Variants in MARCHF8 observed in about 807,000 individuals in gnomAD.
MARCHF8 encodes the protein membrane associated ring-CH-type finger 8.
In MARCHF8, 40 loss-of-function variants were observed where a neutral mutation model predicts 51.6. The ratio of observed to expected loss-of-function variants is 0.77; its 90% CI spans 0.60 to 1.01. MARCHF8 has a LOEUF of 1.01. MARCHF8 is among the 50% of genes least tolerant of loss of function. The pLI is 0.00. For synonymous variants in MARCHF8, 263 were observed against 280.3 expected, an observed-to-expected ratio of 0.94 and a Z score of 0.62; for missense variants, 685 against 708.6, an observed-to-expected ratio of 0.97 and a Z score of 0.38.
chr10:45,493,735 T>G (rs929974328), intron 2 of MARCHF8, among the ~76,000 whole-genome samples: 2 of 152,234 alleles, frequency 1.3e-5, no homozygotes, highest in African/African-American at 4.8e-5. Context: ...CAAGTTTTCA[T>G]TCCAAATCTT....
At chr10:45,505,038 T>C (rs1244380342) in intron 2 of MARCHF8, among the ~76,000 whole-genome samples, 13 of 152,228 alleles carry the variant, frequency 8.5e-5, no homozygotes, top group Admixed American at 8.5e-4. Flanking sequence ...TAAGCACTTA[T>C]GCCTTCTTGC....
chr10:45,534,704 G>A (rs2043946566), intron 1 of MARCHF8, among the ~76,000 whole-genome samples: 1 of 152,108 alleles, frequency 6.6e-6, no homozygotes, highest in African/African-American at 2.4e-5. Context: ...TAGGGGGTGG[G>A]GACAGGTGAG....
intron 1 of MARCHF8, among the ~76,000 whole-genome samples, chr10:45,577,339 T>C (rs1173425935): frequency 6.6e-6 from 1 of 152,100 alleles, no homozygotes; most frequent in East Asian, 1.9e-4. Flanking sequence ...CAGTCAATAG[T>C]AACAATTATA....
At chr10:45,512,700 G>C (rs372713851) in intron 2 of MARCHF8, among the ~76,000 whole-genome samples, 1 of 152,060 alleles carries the variant, frequency 6.6e-6, no homozygotes, top group East Asian at 1.9e-4. Context: ...CCCTCTGCCC[G>C]GCCACCACCC....
chr10:45,521,699 T>C (rs1478648731), intron 2 of MARCHF8, among the ~76,000 whole-genome samples: 1 of 152,220 alleles, frequency 6.6e-6, no homozygotes, highest in African/African-American at 2.4e-5. Flanking sequence ...ATTTACTATT[T>C]ATTATTGTCT....
intron 1 of MARCHF8, among the ~76,000 whole-genome samples, chr10:45,588,452 GT>G (rs2044641880): frequency 1.3e-5 from 2 of 152,060 alleles, no homozygotes; most frequent in Non-Finnish European, 2.9e-5. Context: ...TACCACTTAT[GT>G]TTTAAATATA....
At chr10:45,522,507 G>A (rs1413561063) in intron 2 of MARCHF8, among the ~76,000 whole-genome samples, 2 of 152,098 alleles carry the variant, frequency 1.3e-5, no homozygotes, top group African/African-American at 4.8e-5. Context: ...AATCAGTTGA[G>A]CACATCTTTC....
intron 2 of MARCHF8, among the ~76,000 whole-genome samples, chr10:45,513,521 ATGTT>A (rs1323961907): frequency 6.6e-6 from 1 of 152,080 alleles, no homozygotes. Context: ...TGTTCAGGGG[ATGTT>A]TGTTAGAGTT....
chr10:45,466,313 T>G (rs17157832), intron 3 of MARCHF8, among the ~76,000 whole-genome samples: 9,364 of 152,286 alleles, frequency 0.061, 327 homozygotes, highest in Non-Finnish European at 0.066. Flanking sequence ...GCTCTCTTCT[T>G]TTATTTCTGA....
chr10:45,552,673 C>A (rs1168896695), intron 1 of MARCHF8, among the ~76,000 whole-genome samples: 7 of 152,178 alleles, frequency 4.6e-5, no homozygotes, highest in African/African-American at 9.6e-5. Flanking sequence ...CTACTAGGAA[C>A]TGGAAAATTT....
chr10:45,513,999 T>C (rs893594526), intron 2 of MARCHF8, among the ~76,000 whole-genome samples: 1 of 152,304 alleles, frequency 6.6e-6, no homozygotes, highest in Non-Finnish European at 1.5e-5. Flanking sequence ...TTCAAAGCCA[T>C]AACTCCATAA....
chr10:45,482,415 AT>A (rs1331916439), intron 3 of MARCHF8, among the ~76,000 whole-genome samples: 1 of 152,248 alleles, frequency 6.6e-6, no homozygotes, highest in Non-Finnish European at 1.5e-5. Context: ...TTCAAAGGAT[AT>A]TACACAAGGC....
At chr10:45,468,335 C>T (rs1843039565) in intron 3 of MARCHF8, among the ~76,000 whole-genome samples, 1 of 152,232 alleles carries the variant, frequency 6.6e-6, no homozygotes, top group South Asian at 2.1e-4. Flanking sequence ...ATAGTGCACA[C>T]ATCCTTCTCA....
chr10:45,484,398 G>A (rs1173774169), intron 3 of MARCHF8, among the ~76,000 whole-genome samples: 1 of 152,142 alleles, frequency 6.6e-6, no homozygotes, highest in East Asian at 1.9e-4. Flanking sequence ...TGAAGGTCTG[G>A]GCAAGATGCA....
At chr10:45,502,847 A>C (rs978015837) in intron 2 of MARCHF8, among the ~76,000 whole-genome samples, 1 of 152,236 alleles carries the variant, frequency 6.6e-6, no homozygotes, top group Non-Finnish European at 1.5e-5. Flanking sequence ...CAATAAAGAA[A>C]GAGCAACAGA....
At chr10:45,560,205 G>A (rs1276153252) in intron 1 of MARCHF8, among the ~76,000 whole-genome samples, 1 of 152,164 alleles carries the variant, frequency 6.6e-6, no homozygotes, top group African/African-American at 2.4e-5. Flanking sequence ...TTGTAGATGA[G>A]GAAGCCTTCT....
chr10:45,537,281 A>T (rs1466614302), upstream of MARCHF8, among the ~76,000 whole-genome samples: 2 of 152,212 alleles, frequency 1.3e-5, no homozygotes, highest in East Asian at 3.8e-4. Context: ...AGCTATATCC[A>T]TTCAACGGAA....
intron 6 of MARCHF8, among the ~76,000 whole-genome samples, chr10:45,459,554 T>C (rs1172937853): frequency 6.6e-6 from 1 of 152,214 alleles, no homozygotes; most frequent in Non-Finnish European, 1.5e-5. Flanking sequence ...GATGGCCTGA[T>C]AAAGAATTCT....
chr10:45,564,686 A>C (rs2044345433), intron 1 of MARCHF8, among the ~76,000 whole-genome samples: 1 of 152,194 alleles, frequency 6.6e-6, no homozygotes, highest in Non-Finnish European at 1.5e-5. Context: ...AACTGAGCAC[A>C]CTGTAGATAA....
Sources: gnomAD v4.1 joint callset for allele counts (sites outside exome capture counted in the v4.1 genomes callset) on GRCh38, gnomAD v4.1.1 for gene constraint, MANE v1.5 for transcripts, NCBI Gene and HGNC (gene_info 2026-07-23, HGNC 2026-07-21) for gene names.